AK8: variants seen among roughly 807,000 people sequenced by gnomAD.
AK8 encodes the protein adenylate kinase 8, also known as ATP-AMP transphosphorylase 8.
A neutral mutation model predicts 54.6 loss-of-function variants in AK8; 44 were observed. The ratio of observed to expected loss-of-function variants is 0.81; its 90% CI spans 0.63 to 1.04. The LOEUF is 1.04. AK8 is among the 50% of genes least tolerant of loss of function. The pLI is 0.00. For synonymous variants in AK8, 239 were observed against 245.6 expected, an observed-to-expected ratio of 0.97 and a Z score of 0.25; for missense variants, 555 against 613.6, an observed-to-expected ratio of 0.90 and a Z score of 1.01.
chr9:132,873,534 C>T (rs1843949408), intron 2 of AK8, among the ~76,000 whole-genome samples: 2 of 152,192 alleles, frequency 1.3e-5, no homozygotes, highest in Admixed American at 6.5e-5. Context: ...TACTTTTACT[C>T]TACTTTTACT....
chr9:132,843,280 G>A (rs557260164), intron 5 of AK8, among the ~76,000 whole-genome samples: 14 of 152,094 alleles, frequency 9.2e-5, no homozygotes, highest in African/African-American at 2.9e-4. Context: ...AGTGTGTGGC[G>A]CCTCCCCCTC....
At chr9:132,820,289 A>G (rs756014770) in intron 9 of AK8, among the ~76,000 whole-genome samples, 12 of 151,614 alleles carry the variant, frequency 7.9e-5, no homozygotes, top group Non-Finnish European at 1.6e-4. Context: ...ATATTTCTTC[A>G]TGCTTTTTCT....
chr9:132,751,332 C>T (rs1349508363), intron 11 of AK8, among the ~76,000 whole-genome samples: 4 of 143,644 alleles, frequency 2.8e-5, no homozygotes, highest in South Asian at 4.4e-4. Flanking sequence ...TGCAGTGAGC[C>T]GAGATCATGT....
At chr9:132,815,093 G>A (rs142618739) in intron 9 of AK8, among the ~76,000 whole-genome samples, 6 of 152,210 alleles carry the variant, frequency 3.9e-5, no homozygotes, top group African/African-American at 1.4e-4. Flanking sequence ...GAGGATCAGC[G>A]TTCTGGCCGG....
At chr9:132,859,062 C>T (rs1341516209) in intron 4 of AK8, among the ~76,000 whole-genome samples, 1 of 152,170 alleles carries the variant, frequency 6.6e-6, no homozygotes, top group African/African-American at 2.4e-5. Context: ...AGACTGAGGG[C>T]ATTCCCACTG....
chr9:132,753,498 G>A (rs1838046657), intron 11 of AK8, among the ~76,000 whole-genome samples: 1 of 152,258 alleles, frequency 6.6e-6, no homozygotes, highest in Non-Finnish European at 1.5e-5. Flanking sequence ...TTTATTTGGG[G>A]TGGCTGGGGC....
chr9:132,854,353 G>A (rs1843092369), intron 5 of AK8, among the ~76,000 whole-genome samples: 1 of 152,232 alleles, frequency 6.6e-6, no homozygotes, highest in Non-Finnish European at 1.5e-5. Context: ...CAGGTGCTAT[G>A]CTGCTGTCCT....
upstream of AK8, chr9:132,878,734 G>A (rs970105922): frequency 1.0e-6 from 1 of 986,696 alleles, no homozygotes; most frequent in Non-Finnish European, 1.2e-6. The surrounding 1 kb of genome is among the most constrained non-coding windows in gnomAD (Gnocchi z 4.7). Context: ...GAGGTTCGAG[G>A]ATCGGGTGGA....
chr9:132,815,565 A>G (rs1841290059), intron 9 of AK8, among the ~76,000 whole-genome samples: 1 of 151,820 alleles, frequency 6.6e-6, no homozygotes, highest in Non-Finnish European at 1.5e-5. Context: ...AAAAAAAAAG[A>G]AAAAGAAAAA....
In AK8 at chr9:132,863,622, A is replaced by C. The variant is rs369825616; in HGVS notation, c.333+43T>G. 5.2e-5 allele frequency: 73 copies of C among 1,397,226 alleles called. No individual in the cohort carries two copies. The South Asian group carries it at 8.3e-4, about 16-fold the overall frequency. The allele number at this position is 1,397,226 out of a possible 1,614,324, so 86.6% of individuals were successfully genotyped here. A position where few individuals can be genotyped will look rare whatever the true frequency, so the allele number is the denominator to read the frequency against. On this transcript the variant is annotated intron_variant, in intron 4 of 12. Transcript: ENST00000298545. ...GGTGGCAGTGGGTGTGGCAGTGGGC[A>C]CTGCTGCTGTGTGCCTACCCCTGTC...
chr9:132,796,654 G>A (rs1407508548), intron 10 of AK8, among the ~76,000 whole-genome samples: 2 of 151,992 alleles, frequency 1.3e-5, no homozygotes, highest in Non-Finnish European at 2.9e-5. Flanking sequence ...ACAGGTCGAG[G>A]CAGAAGTCTA....
chr9:132,748,013 C>T (rs952279378), intron 11 of AK8, among the ~76,000 whole-genome samples: 3 of 151,378 alleles, frequency 2.0e-5, no homozygotes, highest in African/African-American at 4.8e-5. Context: ...GCAGGAGAAT[C>T]GCTTGAACCC....
At chr9:132,789,002 T>C (rs1839833214) in intron 11 of AK8, among the ~76,000 whole-genome samples, 1 of 152,226 alleles carries the variant, frequency 6.6e-6, no homozygotes, top group African/African-American at 2.4e-5. Context: ...TGCTTAAAGA[T>C]ACTCAAATTT....
chr9:132,780,608 T>C (rs1223301336), intron 11 of AK8, among the ~76,000 whole-genome samples: 3 of 152,256 alleles, frequency 2.0e-5, no homozygotes, highest in Non-Finnish European at 2.9e-5. Context: ...ACAACAATAA[T>C]ACATAAAAAT....
intron 1 of AK8, among the ~76,000 whole-genome samples, chr9:132,875,436 G>A (rs959474726): frequency 9.2e-5 from 14 of 152,104 alleles, no homozygotes; most frequent in African/African-American, 1.4e-4. Flanking sequence ...GAGGAGTCTC[G>A]CCCCTGATTC....
chr9:132,738,786 C>T (rs1398507589), intron 11 of AK8, among the ~76,000 whole-genome samples: 1 of 142,216 alleles, frequency 7.0e-6, no homozygotes, highest in Non-Finnish European at 1.5e-5. Flanking sequence ...CAGGGTCTCA[C>T]TCTGCCCCCC....
upstream of AK8, chr9:132,878,472 C>T: frequency 1.6e-6 from 2 of 1,218,624 alleles, no homozygotes; most frequent in Non-Finnish European, 1.0e-6. This position sits in a 1 kb window ranked among gnomAD's most constrained non-coding sequence, Gnocchi z 4.7. Context: ...TCGCTTTTCC[C>T]ATTTGCGCAT....
chr9:132,739,072 A>T (rs1053485473), intron 11 of AK8, among the ~76,000 whole-genome samples: 3 of 151,764 alleles, frequency 2.0e-5, no homozygotes, highest in Non-Finnish European at 4.4e-5. Flanking sequence ...TTGTTAATTT[A>T]AAAAATCAGG....
intron 11 of AK8, among the ~76,000 whole-genome samples, chr9:132,727,914 C>A (rs779155505): frequency 3.9e-5 from 6 of 152,228 alleles, no homozygotes; most frequent in Admixed American, 3.9e-4. Flanking sequence ...TCCCCTCACT[C>A]CTGCTGCCAC....
Sources: allele counts gnomAD v4.1 joint callset (sites outside exome capture counted in the v4.1 genomes callset), GRCh38; gene constraint gnomAD v4.1.1; non-coding constraint Gnocchi (gnomAD v3.1); transcripts MANE v1.5; gene names NCBI Gene and HGNC (gene_info 2026-07-23, HGNC 2026-07-21).